The following SLC6A2 variants were observed in gnomAD, a reference collection of about 807,000 sequenced individuals.
SLC6A2 encodes sodium-dependent noradrenaline transporter.
A neutral mutation model predicts 71.7 loss-of-function variants in SLC6A2; 26 were observed. The ratio of observed to expected loss-of-function variants is 0.36; its 90% CI spans 0.27 to 0.50. SLC6A2 has a LOEUF of 0.50. Ranked by LOEUF, SLC6A2 falls within the 20% of genes least tolerant of loss-of-function variation. The pLI, the probability that SLC6A2 is intolerant of heterozygous loss-of-function variation, is 0.96. For synonymous variants in SLC6A2, 363 were observed against 337.9 expected, an observed-to-expected ratio of 1.07 and a Z score of -0.82; for missense variants, 581 against 803.9, an observed-to-expected ratio of 0.72 and a Z score of 3.35.
chr16:55,702,207 G>A (rs1477082295), intron 14 of SLC6A2, 116 bp from the exon 15 acceptor site: 19 of 1,032,202 alleles, frequency 1.8e-5, no homozygotes, highest in Admixed American at 5.1e-5. Flanking sequence ...CCTGAGGTCC[G>A]TGAAGGAAGG....
intron 8 of SLC6A2, 67 bp from the exon 9 acceptor site, chr16:55,696,158 T>C: frequency 1.1e-6 from 1 of 949,978 alleles, no homozygotes; most frequent in South Asian, 1.3e-5. Context: ...CCCCAGATAC[T>C]CCCCTATCAT....
chr16:55,693,750 A>G (rs1312619131), intron 6 of SLC6A2, among the ~76,000 whole-genome samples: 2 of 152,184 alleles, frequency 1.3e-5, no homozygotes, highest in Non-Finnish European at 2.9e-5. Context: ...CAGGGCATGA[A>G]ATTGAGTGAA....
rs1354858344 is a variant in SLC6A2, at chr16:55,685,191, C to T, written c.693C>T (p.Gly231=). The change falls in exon 5 of 15, where the codon GGC becomes GGT. Residue 231 remains glycine, a synonymous_variant. Transcript: ENST00000568943. Reference sequence around the variant, plus strand: ...AGAGCAGCGGGATTCATGACATCGGCCTGCCCCAGTGGCAGCTCTTGCTCT... The same window carrying T: ...AGAGCAGCGGGATTCATGACATCGGTCTGCCCCAGTGGCAGCTCTTGCTCT... The part of the protein sequence containing the change: ...LHESSGIHDI[G]LPQWQLLLCL... 3 of 1,614,130 alleles carry T rather than the reference C, an allele frequency of 1.9e-6. No individual in the cohort carries two copies. Among genetic ancestry groups the T allele is most frequent in the African/African-American group, 2.7e-5 (2 of 75,050 alleles).
chr16:55,688,759 G>A (rs569736648), intron 5 of SLC6A2, among the ~76,000 whole-genome samples: 4 of 152,266 alleles, frequency 2.6e-5, no homozygotes, highest in South Asian at 2.1e-4. Flanking sequence ...CCATTTTCTC[G>A]ATGCCTGGAT....
rs377560366 is a variant in SLC6A2, at chr16:55,696,346, C to T, written c.1260+9C>T. On this transcript the variant is annotated intron_variant, in intron 9 of 14. Transcript: ENST00000568943. ...TGGGCCTTGACAGCTCAGTGAGTGA[C>T]CCTGCTTAGGATACCTATCCCCCAT... The T allele has an allele frequency of 5.2e-5, 80 of 1,538,466 alleles. No individual in the cohort carries two copies. The highest frequency in any genetic ancestry group is 6.9e-5 in the Non-Finnish European group (77 of 1,112,260).
intron 2 of SLC6A2, among the ~76,000 whole-genome samples, chr16:55,658,751 T>A (rs549289410): frequency 1.3e-5 from 2 of 152,218 alleles, no homozygotes; most frequent in Admixed American, 1.3e-4. Flanking sequence ...GCATCTGAGG[T>A]CTGGGGCCTG....
intron 9 of SLC6A2, 131 bp from the exon 10 acceptor site, chr16:55,697,766 T>C (rs1451372523): frequency 3.2e-5 from 28 of 886,536 alleles, no homozygotes; most frequent in Non-Finnish European, 4.3e-5. Context: ...CAGGACGTGC[T>C]GATTTCTCGA....
At chr16:55,687,755 G>A (rs1217517322) in intron 5 of SLC6A2, among the ~76,000 whole-genome samples, 1 of 152,244 alleles carries the variant, frequency 6.6e-6, no homozygotes, top group African/African-American at 2.4e-5. Flanking sequence ...GTTCCCCAAT[G>A]CCATCACCAA....
chr16:55,699,214 G>C (rs35312750), intron 11 of SLC6A2, among the ~76,000 whole-genome samples: 37,572 of 152,130 alleles, frequency 0.25, 5,053 homozygotes, highest in African/African-American at 0.34. Flanking sequence ...ATGCATAGTT[G>C]TTGTTATTTT....
chr16:55,670,978 C>A (rs982939590), intron 3 of SLC6A2, among the ~76,000 whole-genome samples: 7 of 152,146 alleles, frequency 4.6e-5, no homozygotes, highest in African/African-American at 1.4e-4. Context: ...ATAGAACTAC[C>A]CCTAAAGGAG....
rs201586185 is a variant in SLC6A2 at position 55,696,318 on chromosome 16, C to T, written c.1241C>T (p.Ala414Val). The T allele has an allele frequency of 1.9e-5, 31 of 1,610,572 alleles. No individual in the cohort carries two copies. Among genetic ancestry groups the T allele is most frequent in the Admixed American group, 8.3e-5 (5 of 60,022 alleles). The change falls in exon 9 of 15, where the codon GCG becomes GTG. Residue 414 changes from alanine to valine, a missense_variant. Ala to Val is a moderately conservative substitution (Grantham distance 64). This residue lies in a region of SLC6A2 where 334 missense variants were observed against 449.0 expected (regional missense o/e 0.74). Transcript: ENST00000568943. ...WAVVFFVMLLALGLDSSMGGM... is the reference protein window; with the variant it reads ...WAVVFFVMLLVLGLDSSMGGM... ...GTTGTGTTTTTCGTCATGCTCCTGG[C>T]GCTGGGCCTTGACAGCTCAGTGAGT...
chr16:55,678,035 C>T (rs1310944539), intron 4 of SLC6A2, among the ~76,000 whole-genome samples: 1 of 152,206 alleles, frequency 6.6e-6, no homozygotes, highest in African/African-American at 2.4e-5. Context: ...CTTCCCTCCA[C>T]TATCCATGCA....
chr16:55,671,877 G>A (rs776679346), intron 3 of SLC6A2, 61 bp from the exon 4 acceptor site: 3 of 1,611,348 alleles, frequency 1.9e-6, no homozygotes, highest in Admixed American at 3.3e-5. Context: ...CCACACCCAA[G>A]GAGAGGTGGC....
At chr16:55,661,848 G>A (rs1254349071) in intron 2 of SLC6A2, among the ~76,000 whole-genome samples, 1 of 152,176 alleles carries the variant, frequency 6.6e-6, no homozygotes, top group Non-Finnish European at 1.5e-5. Flanking sequence ...AGAGTCTTAG[G>A]GACCCCCAGC....
intron 4 of SLC6A2, among the ~76,000 whole-genome samples, chr16:55,680,400 C>A (rs1268507700): frequency 7.2e-5 from 11 of 152,172 alleles, no homozygotes; most frequent in Non-Finnish European, 1.3e-4. Context: ...AGGCTGTCTG[C>A]AAGCTGAGGA....
chr16:55,703,358 C>A lies in SLC6A2; in HGVS notation c.*1012C>A. The A allele has an allele frequency of 1.0e-6, 1 of 985,362 alleles. No individual in the cohort carries two copies. The allele number at this position is 985,362 out of a possible 1,614,324, so 61.0% of individuals were successfully genotyped here. ...TGTTCTTGCACACCTGCACAGCCTCCCTCTGGGGATCCCACCTGGAGTGGA... is the reference window on the plus strand; with the variant it reads ...TGTTCTTGCACACCTGCACAGCCTCACTCTGGGGATCCCACCTGGAGTGGA... On this transcript the variant is annotated 3_prime_UTR_variant, in exon 15 of 15. Coordinates refer to ENST00000568943, the MANE Select transcript of SLC6A2 (RefSeq NM_001172501.3).
chr16:55,702,430 T>C lies in SLC6A2; in HGVS notation c.*84T>C. 5 of 1,612,716 alleles carry C rather than the reference T, an allele frequency of 3.1e-6. No individual in the cohort carries two copies. The South Asian group carries it at 5.5e-5, about 18-fold the overall frequency. ...TGCGCTCCCACCTCGGACACCATCT[T>C]GGGATTCCTCCCCTGGAAGTTGTCC... On this transcript the variant is annotated 3_prime_UTR_variant, in exon 15 of 15. Transcript: ENST00000568943.
At chr16:55,682,245 C>T (rs1262830135) in intron 4 of SLC6A2, among the ~76,000 whole-genome samples, 1 of 152,066 alleles carries the variant, frequency 6.6e-6, no homozygotes, top group East Asian at 1.9e-4. Context: ...GAATGGACCT[C>T]TAGTTGAGCG....
At chr16:55,681,272 A>G (rs1463961170) in intron 4 of SLC6A2, among the ~76,000 whole-genome samples, 1 of 152,234 alleles carries the variant, frequency 6.6e-6, no homozygotes, top group Admixed American at 6.5e-5. Flanking sequence ...AGAAAGACTC[A>G]GTGATGGGAA....
Sources: gnomAD v4.1 joint callset for allele counts (sites outside exome capture counted in the v4.1 genomes callset) on GRCh38, gnomAD v4.1.1 for gene constraint, gnomAD v4.1.1 regional missense constraint, MANE v1.5 for transcripts, NCBI Gene and HGNC (gene_info 2026-07-23, HGNC 2026-07-21) for gene names.